The following RBFOX1 variants were observed in gnomAD, a reference collection of about 807,000 sequenced individuals.
The protein encoded by RBFOX1 is RNA binding protein fox-1 homolog 1.
A neutral mutation model predicts 57.7 loss-of-function variants in RBFOX1; 8 were observed. That is an observed-to-expected ratio of 0.14 (90% confidence interval 0.08 to 0.25). The LOEUF (loss-of-function observed/expected upper bound fraction) is 0.25. Ranked by LOEUF, RBFOX1 falls within the 10% of genes least tolerant of loss-of-function variation. RBFOX1 has a pLI of 1.00. For synonymous variants in RBFOX1, 326 were observed against 222.4 expected (o/e 1.47, Z -4.15); for missense variants, 611 against 548.5 (o/e 1.11, Z -1.14).
At chr16:7,419,360 G>C (rs1420937249) in intron 4 of RBFOX1, among the ~76,000 whole-genome samples, 1 of 152,152 alleles carries the variant, frequency 6.6e-6, no homozygotes, top group Non-Finnish European at 1.5e-5. Flanking sequence ...AATTCCAGGA[G>C]TCTCCACTGT....
At chr16:6,266,842 A>C (rs1004409842) in intron 1 of RBFOX1, among the ~76,000 whole-genome samples, 1 of 152,126 alleles carries the variant, frequency 6.6e-6, no homozygotes. Flanking sequence ...CCTCATAATT[A>C]GTTTTTTTGT....
At chr16:6,776,734 C>T (rs1327973198) in intron 3 of RBFOX1, among the ~76,000 whole-genome samples, 1 of 152,170 alleles carries the variant, frequency 6.6e-6, no homozygotes, top group Non-Finnish European at 1.5e-5. Flanking sequence ...TGTGACTGAG[C>T]CACACTAGGT....
At chr16:7,076,305 T>G (rs1284052598) in intron 4 of RBFOX1, among the ~76,000 whole-genome samples, 1 of 152,104 alleles carries the variant, frequency 6.6e-6, no homozygotes, top group Non-Finnish European at 1.5e-5. Flanking sequence ...GTGCTGGGAT[T>G]TCAGGCGTGA....
At chr16:7,389,434 C>T (rs2097951083) in intron 4 of RBFOX1, among the ~76,000 whole-genome samples, 1 of 152,172 alleles carries the variant, frequency 6.6e-6, no homozygotes, top group Admixed American at 6.5e-5. Context: ...CCAGATGTAA[C>T]TATTTAATGA....
At chr16:7,122,736 T>C (rs140208878) in intron 4 of RBFOX1, among the ~76,000 whole-genome samples, 39 of 152,256 alleles carry the variant, frequency 2.6e-4, no homozygotes, top group African/African-American at 7.2e-4. Context: ...CCCAAAGATA[T>C]TGTATATTTA....
At chr16:7,249,865 C>G (rs1409328813) in intron 4 of RBFOX1, among the ~76,000 whole-genome samples, 1 of 152,078 alleles carries the variant, frequency 6.6e-6, no homozygotes, top group Non-Finnish European at 1.5e-5. Context: ...ATGTTTAAGC[C>G]TTTTGATACA....
chr16:7,138,578 A>C (rs1039376402), intron 4 of RBFOX1, among the ~76,000 whole-genome samples: 2 of 152,110 alleles, frequency 1.3e-5, no homozygotes, highest in African/African-American at 4.8e-5. Flanking sequence ...CCTCATCCCC[A>C]CTTTTCCTTC....
chr16:6,585,884 T>C (rs912010738), intron 2 of RBFOX1, among the ~76,000 whole-genome samples: 2 of 152,212 alleles, frequency 1.3e-5, no homozygotes, highest in African/African-American at 2.4e-5. Context: ...GCATGAGTAT[T>C]GTAGAAGTAT....
intron 4 of RBFOX1, among the ~76,000 whole-genome samples, chr16:7,364,051 G>C (rs1023196740): frequency 1.3e-5 from 2 of 152,200 alleles, no homozygotes; most frequent in Non-Finnish European, 1.5e-5. Flanking sequence ...CAGCCAGTCA[G>C]CTTTGGGACT....
intron 5 of RBFOX1, among the ~76,000 whole-genome samples, chr16:7,535,395 A>C (rs1199932233): frequency 3.3e-5 from 5 of 152,172 alleles, no homozygotes; most frequent in African/African-American, 7.2e-5. Flanking sequence ...TGGCCAACCA[A>C]GTTTCCAGAC....
At chr16:7,002,391 C>T (rs1047348068) in intron 3 of RBFOX1, among the ~76,000 whole-genome samples, 4 of 152,156 alleles carry the variant, frequency 2.6e-5, no homozygotes, top group African/African-American at 9.7e-5. Context: ...TTCTGTTTAT[C>T]CAGCAAGAAA....
chr16:6,391,165 G>T (rs1052005612), intron 2 of RBFOX1, among the ~76,000 whole-genome samples: 3 of 152,140 alleles, frequency 2.0e-5, no homozygotes, highest in Non-Finnish European at 2.9e-5. Context: ...CAAGAAGTTT[G>T]AGTTTATTCT....
intron 2 of RBFOX1, among the ~76,000 whole-genome samples, chr16:5,509,551 A>G (rs940206186): frequency 1.6e-4 from 25 of 152,186 alleles, no homozygotes; most frequent in Admixed American, 3.3e-4. Flanking sequence ...GGCGGCCCAG[A>G]GGGTGTAGGT....
At chr16:7,020,988 C>T (rs2038853127) in intron 3 of RBFOX1, among the ~76,000 whole-genome samples, 1 of 152,086 alleles carries the variant, frequency 6.6e-6, no homozygotes, top group Admixed American at 6.6e-5. Flanking sequence ...ATTAGTTGGG[C>T]ATAGTGGCAG....
intron 1 of RBFOX1, among the ~76,000 whole-genome samples, chr16:6,223,422 G>A (rs987570841): frequency 6.9e-6 from 1 of 145,962 alleles, no homozygotes; most frequent in Non-Finnish European, 1.5e-5. Flanking sequence ...ATCTCATTGT[G>A]GTTTTGATTT....
chr16:5,697,672 T>G (rs776145623), intron 3 of RBFOX1, among the ~76,000 whole-genome samples: 22 of 147,104 alleles, frequency 1.5e-4, no homozygotes, highest in Admixed American at 6.3e-4. Context: ...TAGCTAGGAC[T>G]ACAGGTGTGC....
At chr16:6,138,016 T>C (rs1158574449) in intron 1 of RBFOX1, among the ~76,000 whole-genome samples, 1 of 152,216 alleles carries the variant, frequency 6.6e-6, no homozygotes, top group Non-Finnish European at 1.5e-5. Context: ...TTATCAGGAC[T>C]GGAGCAACGC....
chr16:6,657,087 CCTCCCCTTTA>C (rs1350316716), intron 3 of RBFOX1, among the ~76,000 whole-genome samples: 4 of 120,542 alleles, frequency 3.3e-5, no homozygotes, highest in Admixed American at 9.0e-5. Context: ...CCTTTCCTCT[CCTCCCCTTTA>C]CTCTCCTCTC....
intron 2 of RBFOX1, among the ~76,000 whole-genome samples, chr16:6,562,883 T>TG (rs1555553684): frequency 8.2e-6 from 1 of 122,618 alleles, no homozygotes; most frequent in African/African-American, 3.2e-5. Flanking sequence ...TTTCTTTCTT[T>TG]TTTTTTTTTT....
Sources: gnomAD v4.1 joint callset for allele counts (sites outside exome capture counted in the v4.1 genomes callset) on GRCh38, gnomAD v4.1.1 for gene constraint, MANE v1.5 for transcripts, NCBI Gene and HGNC (gene_info 2026-07-23, HGNC 2026-07-21) for gene names.